The following GPC5 variants were observed in gnomAD, a reference collection of about 807,000 sequenced individuals.
GPC5 encodes glypican-5.
In GPC5, 47 loss-of-function variants were observed where a neutral mutation model predicts 53.9. That is an observed-to-expected ratio of 0.87 (90% confidence interval 0.69 to 1.11). GPC5 has a LOEUF of 1.11. Ranked by LOEUF, GPC5 falls within the 50% of genes most tolerant of loss-of-function variation. The probability of loss-of-function intolerance (pLI) is 0.00; values close to 1 mark genes in which losing one functional copy is unlikely to be tolerated. For synonymous variants in GPC5, 286 were observed against 263.3 expected, an observed-to-expected ratio of 1.09 and a Z score of -0.84; for missense variants, 748 against 713.1, an observed-to-expected ratio of 1.05 and a Z score of -0.56.
chr13:91,492,526 A>G (rs115443948), intron 2 of GPC5, among the ~76,000 whole-genome samples: 70 of 152,316 alleles, frequency 4.6e-4, no homozygotes, highest in African/African-American at 1.6e-3. Flanking sequence ...GCTAAAGCAG[A>G]GAGACTGAGT....
chr13:92,130,127 A>G (rs183687616), intron 6 of GPC5, among the ~76,000 whole-genome samples: 1 of 152,242 alleles, frequency 6.6e-6, no homozygotes, highest in African/African-American at 2.4e-5. Context: ...TGGCATTTTA[A>G]CATGCTGAGG....
intron 2 of GPC5, among the ~76,000 whole-genome samples, chr13:91,582,502 A>G (rs1295062684): frequency 2.0e-5 from 3 of 152,188 alleles, no homozygotes; most frequent in Non-Finnish European, 4.4e-5. Context: ...ATAGAGACTC[A>G]CAGAGGTTCC....
intron 7 of GPC5, among the ~76,000 whole-genome samples, chr13:92,527,685 T>C (rs1035177580): frequency 3.9e-5 from 6 of 152,278 alleles, no homozygotes; most frequent in African/African-American, 1.4e-4. Flanking sequence ...TCAATATCAG[T>C]ATTTTCAATA....
intron 6 of GPC5, among the ~76,000 whole-genome samples, chr13:92,056,216 T>C (rs187450766): frequency 3.9e-5 from 6 of 152,268 alleles, no homozygotes; most frequent in African/African-American, 1.4e-4. Flanking sequence ...TGCTAGCAAC[T>C]GCCTGCTTTC....
intron 7 of GPC5, among the ~76,000 whole-genome samples, chr13:92,764,754 T>G (rs923157432): frequency 1.3e-5 from 2 of 152,126 alleles, no homozygotes; most frequent in East Asian, 1.9e-4. Context: ...TAATTATTTA[T>G]TCATGGTTTT....
At chr13:92,200,974 GACACACACACAC>G (rs66619017) in intron 7 of GPC5, among the ~76,000 whole-genome samples, 4,376 of 146,770 alleles carry the variant, frequency 0.03, 209 homozygotes, top group African/African-American at 0.097. Flanking sequence ...CAGGCACTCA[GACACACACACAC>G]ACACACACAC....
intron 7 of GPC5, among the ~76,000 whole-genome samples, chr13:92,193,997 T>C (rs1188511725): frequency 6.6e-6 from 1 of 152,220 alleles, no homozygotes; most frequent in African/African-American, 2.4e-5. Context: ...CATGGTGAAC[T>C]CAGTGCCTGG....
chr13:92,681,601 GA>G (rs776607081), intron 7 of GPC5, among the ~76,000 whole-genome samples: 29 of 152,208 alleles, frequency 1.9e-4, no homozygotes, highest in Middle Eastern at 6.8e-3. Flanking sequence ...CTTGTCTCAT[GA>G]TAAATTCTAA....
chr13:92,036,383 G>A (rs2040893248), intron 6 of GPC5, among the ~76,000 whole-genome samples: 1 of 152,062 alleles, frequency 6.6e-6, no homozygotes, highest in African/African-American at 2.4e-5. Context: ...TCTAGTTACT[G>A]GCCAAAATAA....
chr13:91,540,604 G>T (rs1456225478), intron 2 of GPC5, among the ~76,000 whole-genome samples: 1 of 152,170 alleles, frequency 6.6e-6, no homozygotes, highest in Non-Finnish European at 1.5e-5. Flanking sequence ...TGGGTGAATT[G>T]TATGGCATGT....
intron 7 of GPC5, among the ~76,000 whole-genome samples, chr13:92,268,086 C>T (rs1403723927): frequency 4.0e-5 from 6 of 150,826 alleles, no homozygotes; most frequent in East Asian, 1.9e-4. Context: ...CTTCAAAACA[C>T]AATGGATAAG....
intron 7 of GPC5, among the ~76,000 whole-genome samples, chr13:92,799,422 A>T (rs1876820456): frequency 1.3e-5 from 2 of 151,842 alleles, no homozygotes; most frequent in Non-Finnish European, 2.9e-5. Context: ...ATAACACATA[A>T]TCACTGATTG....
chr13:92,818,043 C>T (rs920918903), intron 7 of GPC5, among the ~76,000 whole-genome samples: 1 of 146,062 alleles, frequency 6.8e-6, no homozygotes, highest in Non-Finnish European at 1.5e-5. Flanking sequence ...GATGGAGTCT[C>T]GCTCCGTCAC....
intron 6 of GPC5, among the ~76,000 whole-genome samples, chr13:91,991,107 G>A (rs6492567): frequency 0.49 from 74,453 of 151,946 alleles, 18,671 homozygotes; most frequent in East Asian, 0.75. Context: ...TTAGTCAATG[G>A]CAACTCAGCC....
chr13:91,736,827 G>T (rs1005668616), intron 4 of GPC5, among the ~76,000 whole-genome samples: 1 of 151,188 alleles, frequency 6.6e-6, no homozygotes, highest in African/African-American at 2.5e-5. Context: ...TCCAGAAAAT[G>T]GAATGAGAAC....
intron 6 of GPC5, among the ~76,000 whole-genome samples, chr13:92,089,740 A>T (rs1010689173): frequency 3.3e-5 from 5 of 152,206 alleles, no homozygotes; most frequent in African/African-American, 1.2e-4. Context: ...ATTTAAGATT[A>T]GTTACAATGA....
At chr13:92,204,151 A>G (rs2042315835) in intron 7 of GPC5, among the ~76,000 whole-genome samples, 1 of 152,200 alleles carries the variant, frequency 6.6e-6, no homozygotes, top group Admixed American at 6.5e-5. Context: ...TAAATACTAA[A>G]GGGATTGTTC....
At chr13:92,794,956 T>C (rs1876605200) in intron 7 of GPC5, among the ~76,000 whole-genome samples, 1 of 152,148 alleles carries the variant, frequency 6.6e-6, no homozygotes, top group Non-Finnish European at 1.5e-5. Flanking sequence ...ATGACCATAC[T>C]GCCCTAGGTA....
chr13:91,415,928 C>T (rs1775754679), intron 1 of GPC5, among the ~76,000 whole-genome samples: 1 of 152,216 alleles, frequency 6.6e-6, no homozygotes, highest in Non-Finnish European at 1.5e-5. Flanking sequence ...ATTTTTTTTA[C>T]AAATGTGTTT....
Sources: allele counts gnomAD v4.1 joint callset (sites outside exome capture counted in the v4.1 genomes callset), GRCh38; gene constraint gnomAD v4.1.1; transcripts MANE v1.5; gene names NCBI Gene and HGNC (gene_info 2026-07-23, HGNC 2026-07-21).